NT5DC4: variants seen among roughly 807,000 people sequenced by gnomAD.
The protein encoded by NT5DC4 is 5'-nucleotidase domain containing 4, also known as 5'-nucleotidase domain-containing protein 4.
Under a neutral mutation model 26.6 loss-of-function variants are expected in NT5DC4, and 44 were observed. The ratio of observed to expected loss-of-function variants is 1.65; its 90% CI spans 1.30 to 2.13. NT5DC4 has a LOEUF of 2.13. Ranked by LOEUF, NT5DC4 falls within the 30% of genes most tolerant of loss-of-function variation. NT5DC4 has a pLI of 0.00. For missense variants in NT5DC4, 399 were observed against 228.1 expected (o/e 1.75, Z -4.83); for synonymous variants, 157 against 86.7 (o/e 1.81, Z -4.51).
chr2:112,721,709 G>T, intron 1 of NT5DC4, 109 bp from the exon 2 acceptor site: 1 of 715,074 alleles, frequency 1.4e-6, no homozygotes. Context: ...TTCTGCAGCT[G>T]CAGGGGGTGC....
chr2:112,725,578 C>A (rs1677598464), intron 13 of NT5DC4, 26 bp downstream of exon 13: 20 of 673,528 alleles, frequency 3.0e-5, no homozygotes, highest in Non-Finnish European at 5.3e-5. Context: ...CTGGAACAGT[C>A]AGAGGGGCAC....
chr2:112,722,842 G>C, intron 6 of NT5DC4, 71 bp downstream of exon 6: 1 of 697,894 alleles, frequency 1.4e-6, no homozygotes, highest in South Asian at 1.5e-5. Flanking sequence ...CCCCAAAGAG[G>C]GGCCCCCCAA....
chr2:112,722,378 C>T (rs1266820097), intron 4 of NT5DC4, 100 bp downstream of exon 4: 7 of 711,364 alleles, frequency 9.8e-6, no homozygotes, highest in African/African-American at 1.8e-5. Flanking sequence ...CGCAGGCCCA[C>T]GGTGGAGGCT....
At chr2:112,727,456 G>T (rs2104758029) in intron 15 of NT5DC4, among the ~76,000 whole-genome samples, 1 of 152,286 alleles carries the variant, frequency 6.6e-6, no homozygotes, top group South Asian at 2.1e-4. Flanking sequence ...CAGGATAGTA[G>T]GAGCGAGGCT....
rs527267938 is a variant in NT5DC4 at position 112,724,032 on chromosome 2, G to A, written c.757-62G>A. On this transcript the variant is annotated intron_variant, in intron 9 of 16. Transcript: ENST00000688554. Reference sequence around the variant, plus strand: ...CACCAGTGTGCTGGGGGGATGGTGGGTGAGGGCAGAGGCAGGTGGTGGCCC... The same window carrying A: ...CACCAGTGTGCTGGGGGGATGGTGGATGAGGGCAGAGGCAGGTGGTGGCCC... 1.2e-4 allele frequency: 88 copies of A among 715,966 alleles called. 3 individuals carry two copies. Among genetic ancestry groups the A allele is most frequent in the South Asian group, 1.2e-3 (82 of 67,608 alleles). 44.4% of individuals were successfully genotyped at this position (715,966 alleles called of 1,614,324 possible).
At chr2:112,732,233 T>C (rs1456689400) in intron 16 of NT5DC4, among the ~76,000 whole-genome samples, 1 of 152,126 alleles carries the variant, frequency 6.6e-6, no homozygotes, top group African/African-American at 2.4e-5. Context: ...AAACATCTTC[T>C]TTGCATTTCA....
intron 16 of NT5DC4, among the ~76,000 whole-genome samples, chr2:112,730,447 G>A (rs575372713): frequency 1.7e-4 from 26 of 152,184 alleles, no homozygotes; most frequent in African/African-American, 6.0e-4. Context: ...TTCCCTCCAG[G>A]GGAAGTTGCA....
rs1553437320 is a variant in NT5DC4 at position 112,734,195 on chromosome 2, G to GTGTGTGTGTGTGTGTGTGTGTGTGTGTT, written c.1344+4498_1344+4499insGTGTGTGTGTGTGTGTGTGTTTGTGTGT. The stretch of plus-strand genomic sequence containing the variant: ...TGTGTGTGTGTGTGTGTGTGTGTGT[G>GTGTGTGTGTGTGTGTGTGTGTGTGTGTT]TGTGTGTACATTAGTCAGGATTTTT... On this transcript the variant is annotated intron_variant, in intron 16 of 16. Transcript: ENST00000688554. Among the ~76,000 whole-genome samples the GTGTGTGTGTGTGTGTGTGTGTGTGTGTT allele has an allele frequency of 1.7e-3, 250 of 151,490 alleles. 3 individuals are homozygous for GTGTGTGTGTGTGTGTGTGTGTGTGTGTT. Among genetic ancestry groups the GTGTGTGTGTGTGTGTGTGTGTGTGTGTT allele is most frequent in the African/African-American group, 5.7e-3 (234 of 40,894 alleles).
At chr2:112,741,475 A>T (rs1004455344), downstream of NT5DC4, among the ~76,000 whole-genome samples, 1 of 152,234 alleles carries the variant, frequency 6.6e-6, no homozygotes, top group Non-Finnish European at 1.5e-5. Flanking sequence ...TTGCATTAAT[A>T]GTTTTCATGG....
chr2:112,741,131 T>C (rs1307752305), downstream of NT5DC4: 6 of 684,264 alleles, frequency 8.8e-6, no homozygotes, highest in East Asian at 1.6e-4. Flanking sequence ...CTCCACATAC[T>C]GAATAGTGAT....
At chr2:112,733,965 TC>T (rs1678764961) in intron 16 of NT5DC4, among the ~76,000 whole-genome samples, 1 of 152,142 alleles carries the variant, frequency 6.6e-6, no homozygotes, top group African/African-American at 2.4e-5. Context: ...AGTCCTCATT[TC>T]CTTACTTTAA....
At chr2:112,727,144 C>T (rs1057191933) in intron 15 of NT5DC4, 1 of 208,532 alleles carries the variant, frequency 4.8e-6, no homozygotes, top group African/African-American at 2.2e-5. Context: ...GCATTACTGA[C>T]CGGCCACCAA....
chr2:112,731,552 C>T (rs1354320375), intron 16 of NT5DC4: 1 of 152,100 alleles, frequency 6.6e-6, no homozygotes, highest in African/African-American at 2.4e-5. Context: ...AATGAGATAG[C>T]CCAAATGTCT....
At position 112,724,118 on chromosome 2, in the gene NT5DC4, A is replaced by T. The variant is rs1431249686; in HGVS notation, c.781A>T (p.Ile261Phe). The T allele has an allele frequency of 7.0e-6, 5 of 716,958 alleles. No individual in the cohort carries two copies. Among genetic ancestry groups the T allele is most frequent in the Non-Finnish European group, 1.3e-5 (5 of 385,032 alleles). 44.4% of individuals were successfully genotyped at this position (716,958 alleles called of 1,614,324 possible). Residue 261 changes from isoleucine (I) to phenylalanine (F), a missense_variant, in exon 10 of 17, where the codon ATC (isoleucine) becomes TTC (phenylalanine). Coordinates refer to ENST00000688554, the MANE Select transcript of NT5DC4 (RefSeq NM_001393655.1). ...GGCCATCATGACCTACCTGTTCAGC[A>T]TCAGTGAGGTGAGTGTTGGAGTGTT... ...TNAIMTYLFSISEAEASGRPW... is the reference protein window; with the variant it reads ...TNAIMTYLFSFSEAEASGRPW...
chr2:112,728,091 A>G (rs1429934018), intron 15 of NT5DC4, among the ~76,000 whole-genome samples: 1 of 152,204 alleles, frequency 6.6e-6, no homozygotes, highest in Non-Finnish European at 1.5e-5. Flanking sequence ...TCCCACCTTC[A>G]GACTCAGTGG....
At chr2:112,721,562 G>A (rs145266855) in intron 1 of NT5DC4, 20 of 717,638 alleles carry the variant, frequency 2.8e-5, no homozygotes, top group African/African-American at 1.9e-4. Flanking sequence ...GACAGCAAGC[G>A]GCTGATTGCC....
chr2:112,732,004 T>G (rs917814086), intron 16 of NT5DC4, among the ~76,000 whole-genome samples: 1 of 147,788 alleles, frequency 6.8e-6, no homozygotes, highest in Non-Finnish European at 1.5e-5. Context: ...CTCCACCTCC[T>G]GGGTTCAAGC....
At chr2:112,726,544 A>C in intron 14 of NT5DC4, 134 bp from the exon 15 acceptor site, 1 of 690,532 alleles carries the variant, frequency 1.4e-6, no homozygotes, top group Non-Finnish European at 2.7e-6. Flanking sequence ...ACGCATGCAC[A>C]CACCCAGCCC....
chr2:112,737,592 G>T (rs558395729), intron 16 of NT5DC4: 2 of 152,094 alleles, frequency 1.3e-5, no homozygotes, highest in Non-Finnish European at 2.9e-5. Context: ...CAATTGAGTT[G>T]TAAGAGTCTC....
Sources: allele counts gnomAD v4.1 joint callset (sites outside exome capture counted in the v4.1 genomes callset), GRCh38; gene constraint gnomAD v4.1.1; transcripts MANE v1.5; gene names NCBI Gene and HGNC (gene_info 2026-07-23, HGNC 2026-07-21).